The following TMEM117 variants were observed in gnomAD, a reference collection of about 807,000 sequenced individuals.
The protein encoded by TMEM117 is transmembrane protein 117.
In TMEM117, 27 loss-of-function variants were observed where a neutral mutation model predicts 52.4. That is an observed-to-expected ratio of 0.51 (90% CI 0.38 to 0.71). The LOEUF (loss-of-function observed/expected upper bound fraction) is 0.71. Ranked by LOEUF, TMEM117 falls within the 30% of genes least tolerant of loss-of-function variation. TMEM117 has a pLI of 0.00. For missense variants in TMEM117, 556 were observed against 630.5 expected, an observed-to-expected ratio of 0.88 and a Z score of 1.26; for synonymous variants, 215 against 206.3, an observed-to-expected ratio of 1.04 and a Z score of -0.36.
At chr12:43,855,168 G>A (rs1475529839) in intron 2 of TMEM117, among the ~76,000 whole-genome samples, 1 of 152,200 alleles carries the variant, frequency 6.6e-6, no homozygotes, top group Non-Finnish European at 1.5e-5. Flanking sequence ...GTCAGGTTTT[G>A]CGAATAAATT....
intron 3 of TMEM117, among the ~76,000 whole-genome samples, chr12:44,053,674 A>G (rs768773082): frequency 2.2e-4 from 33 of 152,160 alleles, no homozygotes; most frequent in Non-Finnish European, 3.7e-4. Flanking sequence ...AAATTCAGGT[A>G]TGGTCCAAAG....
intron 3 of TMEM117, among the ~76,000 whole-genome samples, chr12:44,086,582 G>T (rs2138029292): frequency 6.6e-6 from 1 of 152,138 alleles, no homozygotes; most frequent in East Asian, 1.9e-4. Flanking sequence ...GGTTTGTTCT[G>T]CATGCTGGCC....
chr12:44,128,677 C>A (rs1375087050), intron 3 of TMEM117, among the ~76,000 whole-genome samples: 1 of 152,132 alleles, frequency 6.6e-6, no homozygotes, highest in Non-Finnish European at 1.5e-5. Flanking sequence ...AATTCCCAGG[C>A]AAACAGACCT....
At chr12:44,119,826 TG>T (rs2055934583) in intron 3 of TMEM117, among the ~76,000 whole-genome samples, 1 of 152,168 alleles carries the variant, frequency 6.6e-6, no homozygotes, top group Admixed American at 6.5e-5. Flanking sequence ...CTCTTTAAAG[TG>T]CCCTAAGGTG....
intron 6 of TMEM117, among the ~76,000 whole-genome samples, chr12:44,332,712 T>TACACACACACAC (rs34633299): frequency 0.011 from 1,605 of 143,218 alleles, 14 homozygotes; most frequent in African/African-American, 0.019. Context: ...CTACTGTTAC[T>TACACACACACAC]ACACACACAC....
chr12:44,190,868 G>C (rs1949342520), intron 4 of TMEM117, among the ~76,000 whole-genome samples: 1 of 148,506 alleles, frequency 6.7e-6, no homozygotes, highest in East Asian at 2.0e-4. Flanking sequence ...TATATATAGA[G>C]AGAGATACAT....
chr12:44,363,363 T>C (rs1282918202), intron 6 of TMEM117, among the ~76,000 whole-genome samples: 2 of 152,200 alleles, frequency 1.3e-5, no homozygotes, highest in African/African-American at 4.8e-5. Flanking sequence ...GTTAGAACAG[T>C]GCATCAATTA....
intron 6 of TMEM117, among the ~76,000 whole-genome samples, chr12:44,335,661 A>G (rs1951331764): frequency 6.6e-6 from 1 of 152,112 alleles, no homozygotes; most frequent in African/African-American, 2.4e-5. Context: ...GTCTAAAAAC[A>G]TAATCTTGGT....
At position 44,388,456 on chromosome 12, in the gene TMEM117, C is replaced by T; in HGVS notation, c.1329C>T (p.Ser443=). The T allele has an allele frequency of 1.2e-6, 2 of 1,613,298 alleles. No individual in the cohort carries two copies. The highest frequency in any genetic ancestry group is 1.7e-6 in the Non-Finnish European group (2 of 1,179,608). Residue 443 remains serine, a synonymous_variant, in exon 8 of 8, where the codon AGC becomes AGT. Coordinates refer to ENST00000266534, the MANE Select transcript of TMEM117 (RefSeq NM_032256.3). ...AAAGAAAATCTCCATCAGAACATAG[C>T]AAAGACATGGGAATCACTCGAGAAA... ...RMKRKSPSEH[S]KDMGITRENT...
chr12:44,037,555 A>G (rs1412323230), intron 3 of TMEM117, among the ~76,000 whole-genome samples: 1 of 152,180 alleles, frequency 6.6e-6, no homozygotes, highest in Non-Finnish European at 1.5e-5. Context: ...GTGAAGCCCC[A>G]TCTTCAAACC....
intron 4 of TMEM117, among the ~76,000 whole-genome samples, chr12:44,152,191 A>G (rs1428584151): frequency 1.8e-5 from 2 of 108,636 alleles, no homozygotes; most frequent in South Asian, 3.2e-4. Context: ...TATAAAATAT[A>G]TATAAATATA....
the TMEM117 span, chr12:43,799,645 T>G: frequency 1.9e-6 from 1 of 514,594 alleles, no homozygotes; most frequent in South Asian, 3.9e-5. Flanking sequence ...CTTTTTACTT[T>G]TCTTTAATCC....
chr12:43,887,559 T>C (rs543577541), intron 2 of TMEM117, among the ~76,000 whole-genome samples: 5 of 152,340 alleles, frequency 3.3e-5, no homozygotes, highest in Admixed American at 3.3e-4. Context: ...TTTGTGACCA[T>C]GCCCTTCAGC....
chr12:44,207,339 A>G (rs1010234326), intron 4 of TMEM117, among the ~76,000 whole-genome samples: 1 of 152,172 alleles, frequency 6.6e-6, no homozygotes, highest in Non-Finnish European at 1.5e-5. Flanking sequence ...GATACAGTAT[A>G]TGTAGTACCT....
chr12:44,071,175 G>C (rs1314472774), intron 3 of TMEM117, among the ~76,000 whole-genome samples: 1 of 152,116 alleles, frequency 6.6e-6, no homozygotes, highest in Non-Finnish European at 1.5e-5. Context: ...TTTGCTTAAA[G>C]CTGGGTTTCC....
intron 3 of TMEM117, among the ~76,000 whole-genome samples, chr12:44,022,430 C>A (rs928944463): frequency 6.6e-6 from 1 of 152,142 alleles, no homozygotes; most frequent in African/African-American, 2.4e-5. Flanking sequence ...GTTGTTTTAA[C>A]CGTCAAATGA....
intron 1 of TMEM117, among the ~76,000 whole-genome samples, chr12:43,836,829 C>T (rs1004403620): frequency 4.0e-5 from 6 of 151,218 alleles, no homozygotes; most frequent in South Asian, 2.1e-4. Flanking sequence ...GAGAGAGACA[C>T]GGGAGTAAAC....
At chr12:43,936,400 C>T (rs981546017) in intron 2 of TMEM117, among the ~76,000 whole-genome samples, 1 of 152,032 alleles carries the variant, frequency 6.6e-6, no homozygotes, top group Non-Finnish European at 1.5e-5. Context: ...TTGTTTTTGT[C>T]TACTGAGTTT....
At chr12:44,365,341 A>C (rs180805747) in intron 6 of TMEM117, among the ~76,000 whole-genome samples, 26 of 152,154 alleles carry the variant, frequency 1.7e-4, no homozygotes, top group African/African-American at 5.8e-4. Flanking sequence ...TACCACTGAA[A>C]GTCAACCTTT....
Sources: allele counts gnomAD v4.1 joint callset (sites outside exome capture counted in the v4.1 genomes callset), GRCh38; gene constraint gnomAD v4.1.1; transcripts MANE v1.5; gene names NCBI Gene and HGNC (gene_info 2026-07-23, HGNC 2026-07-21).